The following RIN2 variants were observed in gnomAD, a reference collection of about 807,000 sequenced individuals.
RIN2 encodes the protein RAB5 interacting protein 2.
In RIN2, 36 loss-of-function variants were observed where a neutral mutation model predicts 78.0. The observed-to-expected ratio is 0.46, with a 90% CI of 0.35 to 0.61. The LOEUF is 0.61. Ranked by LOEUF, RIN2 falls within the 20% of genes least tolerant of loss-of-function variation. The pLI is 0.00. For synonymous variants in RIN2, 466 were observed against 466.8 expected, an observed-to-expected ratio of 1.00 and a Z score of 0.02; for missense variants, 1,087 against 1,159.7, an observed-to-expected ratio of 0.94 and a Z score of 0.91.
chr20:19,932,371 C>T (rs2040474287), intron 3 of RIN2, among the ~76,000 whole-genome samples: 1 of 152,170 alleles, frequency 6.6e-6, no homozygotes, highest in East Asian at 1.9e-4. Context: ...ATAAATTAGC[C>T]AGTCTGTAGT....
At chr20:19,808,117 G>A (rs553327918) in intron 2 of RIN2, among the ~76,000 whole-genome samples, 1 of 152,328 alleles carries the variant, frequency 6.6e-6, no homozygotes, top group African/African-American at 2.4e-5. Flanking sequence ...GCAAGCAAAT[G>A]AACCCAGACG....
chr20:19,887,750 T>C (rs2038260763), intron 2 of RIN2, among the ~76,000 whole-genome samples: 1 of 152,248 alleles, frequency 6.6e-6, no homozygotes, highest in South Asian at 2.1e-4. Context: ...AACTTAAGTC[T>C]GGATGAGGAA....
rs2040064010 is a variant in RIN2, at chr20:19,924,176, CCCACACCTTCATA to C, written c.58-10920_58-10908del. On this transcript the variant is annotated intron_variant, in intron 3 of 12. Coordinates refer to ENST00000255006, the MANE Select transcript of RIN2 (RefSeq NM_018993.4). ...ACCTCTTTATACCCCCACCTTCATA[CCCACACCTTCATA>C]CCCCACCTTCATACCCCCAACTTTC... Among the ~76,000 whole-genome samples the C allele has an allele frequency of 9.7e-5, 8 of 82,624 alleles. 1 individual carries two copies. The highest frequency in any genetic ancestry group is 9.7e-4 in the East Asian group (2 of 2,054). 54.2% of individuals were successfully genotyped at this position (82,624 alleles called of 152,430 possible).
intron 3 of RIN2, among the ~76,000 whole-genome samples, chr20:19,915,357 T>C (rs1283477244): frequency 2.0e-5 from 3 of 152,250 alleles, no homozygotes; most frequent in Non-Finnish European, 2.9e-5. Flanking sequence ...CATCCCTCCT[T>C]GGCTGAGGGC....
chr20:19,792,362 G>T (rs181146040), intron 1 of RIN2, among the ~76,000 whole-genome samples: 16 of 152,288 alleles, frequency 1.1e-4, no homozygotes, highest in Admixed American at 6.5e-4. Flanking sequence ...ATTGACTGAG[G>T]CCTCATAGTG....
chr20:19,996,809 C>G lies in RIN2; in HGVS notation c.2331C>G (p.Thr777=). The change falls in exon 12 of 13, where the codon ACC becomes ACG. Residue 777 remains threonine (T), a synonymous_variant. Transcript: ENST00000255006. The part of the protein sequence containing the change: ...TLRQWHKRRT[T]NRTIPSVDDF... ...GGCAGTGGCACAAACGGAGAACCAC[C>G]AACCGGACCATCCCCTCTGTGGACG... 6.2e-7 allele frequency: 1 copy of G among 1,605,098 alleles called. No individual in the cohort carries two copies. Among genetic ancestry groups the G allele is most frequent in the East Asian group, 2.2e-5 (1 of 44,540 alleles).
intron 2 of RIN2, among the ~76,000 whole-genome samples, chr20:19,848,259 A>G (rs2036847385): frequency 6.6e-6 from 1 of 152,114 alleles, no homozygotes; most frequent in East Asian, 1.9e-4. Flanking sequence ...TCTCGGCCAG[A>G]CAAGGTGGCT....
chr20:19,989,599 T>C (rs560924767), intron 9 of RIN2, among the ~76,000 whole-genome samples: 2 of 152,312 alleles, frequency 1.3e-5, no homozygotes, highest in South Asian at 4.1e-4. Flanking sequence ...CTAAGAGATG[T>C]TGAATGCTCA....
chr20:19,838,898 A>AGTG (rs2036498551), intron 2 of RIN2, among the ~76,000 whole-genome samples: 1 of 152,030 alleles, frequency 6.6e-6, no homozygotes, highest in South Asian at 2.1e-4. Context: ...CCTCCTCTCC[A>AGTG]GCCCCCAAAC....
Position 19,894,643 on chromosome 20 carries a change from C to T in RIN2, c.57+4985C>T, listed in dbSNP as rs2038634933. On this transcript the variant is annotated intron_variant, in intron 3 of 12. Coordinates refer to ENST00000255006, the MANE Select transcript of RIN2 (RefSeq NM_018993.4). ...TATATCCTGTCCTTGCCCTTCTTTC[C>T]TATCCTATATCCACTTGGCTATTAG... is the stretch of plus-strand genomic sequence containing the variant. 2.0e-5 allele frequency among the ~76,000 whole-genome samples: 3 copies of T among 152,156 alleles called. No homozygotes were observed. The South Asian group carries it at 6.2e-4, about 32-fold the overall frequency.
At chr20:19,997,973 A>C (rs1164242249) in intron 12 of RIN2, among the ~76,000 whole-genome samples, 1 of 147,174 alleles carries the variant, frequency 6.8e-6, no homozygotes, top group African/African-American at 2.5e-5. Flanking sequence ...ATCCAGATTC[A>C]CCTGCTTTTT....
At chr20:19,861,358 C>A (rs1403059652) in intron 2 of RIN2, among the ~76,000 whole-genome samples, 1 of 152,234 alleles carries the variant, frequency 6.6e-6, no homozygotes, top group East Asian at 1.9e-4. Context: ...CAGCCCTTCC[C>A]CTTGACAAAG....
At chr20:19,919,024 C>T (rs970043928) in intron 3 of RIN2, among the ~76,000 whole-genome samples, 2 of 152,186 alleles carry the variant, frequency 1.3e-5, no homozygotes, top group Non-Finnish European at 1.5e-5. Flanking sequence ...TGGAAGGCCC[C>T]GCAGTGAATT....
intron 2 of RIN2, among the ~76,000 whole-genome samples, chr20:19,811,220 G>A (rs2035589451): frequency 6.6e-6 from 1 of 152,066 alleles, no homozygotes; most frequent in South Asian, 2.1e-4. Flanking sequence ...ATGGGAGAGA[G>A]AAGGGAAAGA....
At chr20:19,768,878 T>C (rs2034000827) in intron 1 of RIN2, among the ~76,000 whole-genome samples, 1 of 152,026 alleles carries the variant, frequency 6.6e-6, no homozygotes, top group African/African-American at 2.4e-5. Context: ...AAGATACCTA[T>C]AGATATATAA....
At chr20:19,872,546 T>C (rs1464754196) in intron 2 of RIN2, among the ~76,000 whole-genome samples, 1 of 152,144 alleles carries the variant, frequency 6.6e-6, no homozygotes, top group African/African-American at 2.4e-5. Flanking sequence ...TGCCATCAAG[T>C]TAATACGCCC....
At position 19,974,934 on chromosome 20, in the gene RIN2, G is replaced by C. The variant is rs1157766975; in HGVS notation, c.909G>C (p.Arg303=). The C allele has an allele frequency of 1.9e-5, 31 of 1,613,658 alleles. No individual in the cohort carries two copies. The highest frequency in any genetic ancestry group is 2.6e-5 in the Non-Finnish European group (31 of 1,179,760). Residue 303 remains arginine (R), a synonymous_variant, in exon 9 of 13, where the codon CGG becomes CGC. Coordinates refer to ENST00000255006, the MANE Select transcript of RIN2 (RefSeq NM_018993.4). ...CTCCCAACGCGAATGGCACGGAGCG[G>C]ACTCGGTCCCCCCCACCCAGGCCCC... ...TRTPNANGTE[R]TRSPPPRPPP...
chr20:19,785,453 C>T (rs762430507), intron 1 of RIN2, among the ~76,000 whole-genome samples: 1 of 152,118 alleles, frequency 6.6e-6, no homozygotes, highest in African/African-American at 2.4e-5. Context: ...GACTGAACTC[C>T]GGAGAGGAAA....
intron 7 of RIN2, among the ~76,000 whole-genome samples, chr20:19,968,919 T>C (rs983696416): frequency 6.6e-6 from 1 of 152,120 alleles, no homozygotes; most frequent in African/African-American, 2.4e-5. Context: ...TCCCCTGCAG[T>C]GCTGCCTGCT....
Sources: allele counts gnomAD v4.1 joint callset (sites outside exome capture counted in the v4.1 genomes callset), GRCh38; gene constraint gnomAD v4.1.1; transcripts MANE v1.5; gene names NCBI Gene and HGNC (gene_info 2026-07-23, HGNC 2026-07-21).